The following CHORDC1 variants were observed in gnomAD, a reference collection of about 807,000 sequenced individuals.
CHORDC1 encodes cysteine and histidine rich domain containing 1, also known as cysteine and histidine-rich domain-containing protein 1.
A neutral mutation model predicts 48.3 loss-of-function variants in CHORDC1; 25 were observed. The ratio of observed to expected loss-of-function variants is 0.52; its 90% CI spans 0.38 to 0.72. The LOEUF is 0.72. Ranked by LOEUF, CHORDC1 falls within the 30% of genes least tolerant of loss-of-function variation. The pLI is 0.00. For synonymous variants in CHORDC1, 128 were observed against 126.4 expected (o/e 1.01, Z -0.09); for missense variants, 317 against 388.7 (o/e 0.82, Z 1.55).
Position 90,222,569 on chromosome 11 carries a change from G to C in CHORDC1, c.64+322C>G, listed in dbSNP as rs568513162. ...TTCCCCAGAGACTGGAGGGCCAGAGGAGAAACGTGTTCGTTCTAAATTCCA... is the reference window on the plus strand; with the variant it reads ...TTCCCCAGAGACTGGAGGGCCAGAGCAGAAACGTGTTCGTTCTAAATTCCA... On this transcript the variant is annotated intron_variant, in intron 1 of 10. Coordinates refer to ENST00000320585, the MANE Select transcript of CHORDC1 (RefSeq NM_012124.3). 4.0e-4 allele frequency: 227 copies of C among 573,236 alleles called. 1 individual carries two copies. The Middle Eastern group carries it at 4.7e-3, about 12-fold the overall frequency. The allele number at this position is 573,236 out of a possible 1,614,324, so 35.5% of individuals were successfully genotyped here.
At chr11:90,207,032 G>GC (rs1271938249) in intron 6 of CHORDC1, 1 of 309,296 alleles carries the variant, frequency 3.2e-6, no homozygotes, top group East Asian at 8.2e-5. Context: ...TAATGCTATT[G>GC]CCCCCACAGT....
chr11:90,217,898 A>T (rs1264527562), intron 2 of CHORDC1: 13 of 82,558 alleles, frequency 1.6e-4, no homozygotes, highest in Admixed American at 2.2e-4. Flanking sequence ...TCCATCTCAA[A>T]AAAAAAAAAA....
rs1857541196 is a variant in CHORDC1, at chr11:90,201,440, A to T, written c.*965T>A. The T allele has an allele frequency of 1.3e-5, 2 of 151,958 alleles. No individual in the cohort carries two copies. Among genetic ancestry groups the T allele is most frequent in the Non-Finnish European group, 2.9e-5 (2 of 67,858 alleles). 9.4% of individuals were successfully genotyped at this position (151,958 alleles called of 1,614,324 possible). A position where few individuals can be genotyped will look rare whatever the true frequency, so the allele number is the denominator to read the frequency against. ...TGAAGCTCTTCATGACTTTAAAAAA[A>T]AACTCCAAAACAATTAAGCTATTTT... is the stretch of plus-strand genomic sequence containing the variant. On this transcript the variant is annotated 3_prime_UTR_variant, in exon 11 of 11. Coordinates refer to ENST00000320585, the MANE Select transcript of CHORDC1 (RefSeq NM_012124.3).
intron 4 of CHORDC1, 171 bp downstream of exon 4, chr11:90,213,847 T>G: frequency 1.8e-6 from 1 of 569,870 alleles, no homozygotes; most frequent in Non-Finnish European, 3.1e-6. Context: ...TGCTCTCAAG[T>G]TGAAGAGAAA....
chr11:90,221,662 T>A (rs758583948), intron 1 of CHORDC1, among the ~76,000 whole-genome samples: 3 of 152,238 alleles, frequency 2.0e-5, no homozygotes, highest in Non-Finnish European at 2.9e-5. Flanking sequence ...GATTTTGTCA[T>A]CGACTGAAAT....
intron 2 of CHORDC1, among the ~76,000 whole-genome samples, chr11:90,215,634 T>TTTAC (rs1857989747): frequency 6.6e-6 from 1 of 151,344 alleles, no homozygotes; most frequent in Admixed American, 6.6e-5. Flanking sequence ...AGTAACTATC[T>TTTAC]TTAGTTAATT....
chr11:90,216,714 G>C (rs949104700), intron 2 of CHORDC1, among the ~76,000 whole-genome samples: 1 of 152,154 alleles, frequency 6.6e-6, no homozygotes, highest in Non-Finnish European at 1.5e-5. Context: ...AAAGTCAGTA[G>C]TATCATTACT....
intron 9 of CHORDC1, 65 bp from the exon 10 acceptor site, chr11:90,202,940 A>ATATTT: frequency 6.7e-7 from 1 of 1,486,582 alleles, no homozygotes; most frequent in South Asian, 1.3e-5. Context: ...TCAAACACTG[A>ATATTT]TTATAAAAAT....
chr11:90,222,928 G>A lies in CHORDC1; in HGVS notation c.27C>T (p.Gly9=), dbSNP rs1404725331. The change falls in exon 1 of 11, where the codon GGC becomes GGT. Residue 9 remains glycine (G), a synonymous_variant. Coordinates refer to ENST00000320585, the MANE Select transcript of CHORDC1 (RefSeq NM_012124.3). MALLCYNR[G]CGQRFDPETN... is the part of the protein sequence containing the mutation. The stretch of plus-strand genomic sequence containing the variant: ...TCTCAGGATCGAAGCGCTGACCGCA[G>A]CCCCGGTTGTAGCACAGCAAGGCCA... The A allele has an allele frequency of 1.2e-6, 2 of 1,614,144 alleles. No individual in the cohort carries two copies. The highest frequency in any genetic ancestry group is 1.7e-6 in the Non-Finnish European group (2 of 1,179,978).
chr11:90,213,265 AAGG>A, intron 4 of CHORDC1: 2 of 571,260 alleles, frequency 3.5e-6, no homozygotes, highest in Admixed American at 6.0e-5. Flanking sequence ...AGTAGGATCA[AAGG>A]AGAATAAAGG....
chr11:90,210,912 T>C (rs950537721), intron 5 of CHORDC1: 12 of 325,148 alleles, frequency 3.7e-5, no homozygotes, highest in Non-Finnish European at 6.6e-5. Flanking sequence ...ATATATTTTG[T>C]ATAATGTACA....
At chr11:90,203,533 A>G in intron 8 of CHORDC1, 106 bp from the exon 9 acceptor site, 1 of 1,063,194 alleles carries the variant, frequency 9.4e-7, no homozygotes, top group Non-Finnish European at 1.3e-6. Context: ...CACAACAACT[A>G]AGCACTTAAT....
rs755540603 is a variant in CHORDC1 at position 90,211,250 on chromosome 11, A to C, written c.398T>G (p.Leu133Arg). 6.2e-7 allele frequency: 1 copy of C among 1,602,826 alleles called. No individual in the cohort carries two copies. The highest frequency in any genetic ancestry group is 1.1e-5 in the South Asian group (1 of 90,420). The change falls in exon 5 of 11, where the codon CTT becomes CGT. Residue 133 changes from leucine (L) to arginine (R), a missense_variant. Coordinates refer to ENST00000320585, the MANE Select transcript of CHORDC1 (RefSeq NM_012124.3). ...TTCTTCATTCCCTGATGACAGTTTA[A>C]GTTTATCAAGTGCTTGTTTTAGGGA... Reference protein sequence around the residue: ...SASLKQALDKLKLSSGNEENK... With the variant: ...SASLKQALDKRKLSSGNEENK...
In CHORDC1 at chr11:90,211,261, T is replaced by A; in HGVS notation, c.387A>T (p.Ala129=). The A allele has an allele frequency of 4.4e-6, 7 of 1,609,164 alleles. No individual in the cohort carries two copies. The highest frequency in any genetic ancestry group is 5.9e-6 in the Non-Finnish European group (7 of 1,176,542). The change falls in exon 5 of 11, where the codon GCA becomes GCT. Residue 129 remains alanine, a synonymous_variant. Coordinates refer to ENST00000320585, the MANE Select transcript of CHORDC1 (RefSeq NM_012124.3). ...ELKISASLKQ[A]LDKLKLSSGN... ...CTGATGACAGTTTAAGTTTATCAAG[T>A]GCTTGTTTTAGGGAGGCAGATATTT... is the stretch of plus-strand genomic sequence containing the variant.
intron 1 of CHORDC1, among the ~76,000 whole-genome samples, chr11:90,219,433 C>A (rs991429287): frequency 1.3e-5 from 2 of 152,182 alleles, no homozygotes; most frequent in Non-Finnish European, 2.9e-5. Context: ...TGGCCATAAA[C>A]TGGCCCCAAA....
intron 1 of CHORDC1, among the ~76,000 whole-genome samples, chr11:90,222,223 G>A (rs1028889784): frequency 6.6e-6 from 1 of 152,138 alleles, no homozygotes; most frequent in African/African-American, 2.4e-5. Context: ...TTTTATACGG[G>A]AGTAGGCATG....
intron 6 of CHORDC1, among the ~76,000 whole-genome samples, chr11:90,210,086 C>T (rs1031756238): frequency 3.3e-5 from 5 of 152,184 alleles, no homozygotes; most frequent in Non-Finnish European, 5.9e-5. Flanking sequence ...ATAATCCATC[C>T]AGTGCAACAT....
intron 8 of CHORDC1, among the ~76,000 whole-genome samples, chr11:90,205,098 G>T (rs1049907422): frequency 2.6e-5 from 4 of 151,778 alleles, no homozygotes; most frequent in Non-Finnish European, 5.9e-5. Context: ...GAATAACAGA[G>T]GTCTAAACGT....
At chr11:90,215,264 T>C in intron 2 of CHORDC1, 34 bp from the exon 3 acceptor site, 1 of 1,431,636 alleles carries the variant, frequency 7.0e-7, no homozygotes, top group Non-Finnish European at 9.5e-7. Context: ...CTAAAAACTC[T>C]ATTTGCATGA....
Sources: allele counts gnomAD v4.1 joint callset (sites outside exome capture counted in the v4.1 genomes callset), GRCh38; gene constraint gnomAD v4.1.1; transcripts MANE v1.5; gene names NCBI Gene and HGNC (gene_info 2026-07-23, HGNC 2026-07-21).